ATP8A1: variants seen among roughly 807,000 people sequenced by gnomAD.
ATP8A1 encodes phospholipid-transporting ATPase IA.
ATP8A1 carries 90 observed loss-of-function variants against 177.7 expected under a neutral mutation model. The observed-to-expected ratio is 0.51, with a 90% confidence interval of 0.43 to 0.60. ATP8A1 has a LOEUF of 0.60. Among genes scored for constraint, ATP8A1 ranks in the 20% least tolerant of loss-of-function variants. ATP8A1 has a pLI of 0.00. For missense variants in ATP8A1, 1,072 were observed against 1,392.8 expected (o/e 0.77, Z 3.67); for synonymous variants, 493 against 485.9 (o/e 1.01, Z -0.19).
intron 20 of ATP8A1, among the ~76,000 whole-genome samples, chr4:42,537,475 C>T (rs958605224): frequency 1.3e-5 from 2 of 152,090 alleles, no homozygotes; most frequent in African/African-American, 4.8e-5. Context: ...GGAAGTCAAA[C>T]TGTCGCTGTT....
intron 25 of ATP8A1, among the ~76,000 whole-genome samples, chr4:42,469,212 C>T (rs895819088): frequency 2.0e-5 from 3 of 152,158 alleles, no homozygotes; most frequent in Admixed American, 1.3e-4. Context: ...ATAATTTTTA[C>T]TCAGTTATTT....
intron 24 of ATP8A1, among the ~76,000 whole-genome samples, chr4:42,498,211 A>G (rs914823627): frequency 1.3e-5 from 2 of 152,270 alleles, no homozygotes; most frequent in Admixed American, 1.3e-4. Context: ...TCTGGAGTTG[A>G]GTCAATAACT....
At chr4:42,631,124 T>A (rs991498398) in intron 1 of ATP8A1, among the ~76,000 whole-genome samples, 1 of 152,194 alleles carries the variant, frequency 6.6e-6, no homozygotes, top group African/African-American at 2.4e-5. Context: ...GGTTAGAGGT[T>A]GAAGAATGTT....
At chr4:42,656,387 C>CT (rs1741620956) in intron 1 of ATP8A1, among the ~76,000 whole-genome samples, 1 of 152,210 alleles carries the variant, frequency 6.6e-6, no homozygotes, top group South Asian at 2.1e-4. Flanking sequence ...AGCCAAGGGA[C>CT]TACGGATCAA....
At chr4:42,537,350 A>G (rs1727955304) in intron 20 of ATP8A1, among the ~76,000 whole-genome samples, 1 of 152,036 alleles carries the variant, frequency 6.6e-6, no homozygotes. Context: ...TCCCCCGAGA[A>G]CTGGAACAAG....
intron 27 of ATP8A1, among the ~76,000 whole-genome samples, chr4:42,458,915 C>G (rs756123889): frequency 6.6e-6 from 1 of 152,212 alleles, no homozygotes; most frequent in Non-Finnish European, 1.5e-5. Flanking sequence ...GCACAAAAAA[C>G]TGAAAGGAGA....
chr4:42,537,143 A>AC (rs1034198344), intron 20 of ATP8A1, among the ~76,000 whole-genome samples: 15 of 144,680 alleles, frequency 1.0e-4, no homozygotes, highest in East Asian at 8.0e-4. Context: ...AAAAAAAAAA[A>AC]AAACAAAAAA....
intron 24 of ATP8A1, among the ~76,000 whole-genome samples, chr4:42,492,924 A>G (rs1722871162): frequency 6.6e-6 from 1 of 152,206 alleles, no homozygotes; most frequent in African/African-American, 2.4e-5. Flanking sequence ...GAAAGGAAAA[A>G]ATGCAACAGA....
chr4:42,632,936 T>C (rs534163832), intron 1 of ATP8A1, among the ~76,000 whole-genome samples: 2 of 152,326 alleles, frequency 1.3e-5, no homozygotes, highest in South Asian at 4.1e-4. Flanking sequence ...GTGAAATTAA[T>C]ATCTGCTGAG....
chr4:42,621,256 T>A (rs764670310), intron 4 of ATP8A1, among the ~76,000 whole-genome samples: 6 of 152,244 alleles, frequency 3.9e-5, no homozygotes, highest in Non-Finnish European at 8.8e-5. Flanking sequence ...TACTCTTAAA[T>A]ACTTGGATGA....
At chr4:42,638,362 C>T (rs915594843) in intron 1 of ATP8A1, among the ~76,000 whole-genome samples, 1 of 152,168 alleles carries the variant, frequency 6.6e-6, no homozygotes, top group African/African-American at 2.4e-5. Flanking sequence ...CGCTAAATTG[C>T]GACAAGCCCC....
At chr4:42,605,099 C>T (rs562036170) in intron 5 of ATP8A1, among the ~76,000 whole-genome samples, 22 of 152,126 alleles carry the variant, frequency 1.4e-4, no homozygotes, top group Non-Finnish European at 2.6e-4. Context: ...TTGTGGTGAT[C>T]GGTGCATAAC....
At chr4:42,468,190 GTAGAAC>G (rs1016271584) in intron 25 of ATP8A1, among the ~76,000 whole-genome samples, 2 of 152,124 alleles carry the variant, frequency 1.3e-5, no homozygotes, top group Non-Finnish European at 2.9e-5. Flanking sequence ...AGAACTAAAA[GTAGAAC>G]TACCATTTGA....
chr4:42,443,005 C>T (rs1306725521), intron 33 of ATP8A1, among the ~76,000 whole-genome samples: 1 of 152,168 alleles, frequency 6.6e-6, no homozygotes, highest in Non-Finnish European at 1.5e-5. Flanking sequence ...AACTCAATTC[C>T]TACCCGTGTA....
chr4:42,464,569 GAATTTAT>G, intron 27 of ATP8A1, 114 bp downstream of exon 27: 1 of 624,484 alleles, frequency 1.6e-6, no homozygotes, highest in Non-Finnish European at 2.7e-6. Flanking sequence ...AATACATTTA[GAATTTAT>G]AAAGAGTTGG....
intron 31 of ATP8A1, among the ~76,000 whole-genome samples, chr4:42,446,184 T>C (rs1000936984): frequency 2.6e-5 from 4 of 151,442 alleles, no homozygotes; most frequent in Admixed American, 2.0e-4. Context: ...GAGACATCCA[T>C]GACATACGCT....
At chr4:42,473,474 C>T (rs1240414997) in intron 25 of ATP8A1, among the ~76,000 whole-genome samples, 2 of 152,116 alleles carry the variant, frequency 1.3e-5, no homozygotes, top group African/African-American at 2.4e-5. Flanking sequence ...TTCAAGAAGG[C>T]CTAGAGTGCT....
intron 10 of ATP8A1, among the ~76,000 whole-genome samples, chr4:42,580,423 C>T (rs912494012): frequency 1.3e-4 from 20 of 152,254 alleles, no homozygotes; most frequent in Middle Eastern, 3.4e-3. Context: ...AAAGGATCTC[C>T]GGCTTTCAAA....
At chr4:42,568,609 A>G (rs1049178433) in intron 15 of ATP8A1, among the ~76,000 whole-genome samples, 3 of 152,236 alleles carry the variant, frequency 2.0e-5, no homozygotes, top group Non-Finnish European at 2.9e-5. Flanking sequence ...AATGATGCCA[A>G]AATTAAATAT....
Sources: allele counts gnomAD v4.1 joint callset (sites outside exome capture counted in the v4.1 genomes callset), GRCh38; gene constraint gnomAD v4.1.1; transcripts MANE v1.5; gene names NCBI Gene and HGNC (gene_info 2026-07-23, HGNC 2026-07-21).